Variants in TNFRSF14 observed in about 807,000 individuals in gnomAD.
TNFRSF14 encodes the protein TNF receptor superfamily member 14.
In TNFRSF14, 18 loss-of-function variants were observed where a neutral mutation model predicts 34.1. The ratio of observed to expected loss-of-function variants is 0.53; its 90% CI spans 0.36 to 0.78. The LOEUF (loss-of-function observed/expected upper bound fraction) is 0.78, where lower values mean the gene tolerates loss of function less well. TNFRSF14 is among the 30% of genes least tolerant of loss of function. The probability of loss-of-function intolerance (pLI) is 0.00; values close to 1 mark genes in which losing one functional copy is unlikely to be tolerated. For synonymous variants in TNFRSF14, 157 were observed against 153.2 expected, an observed-to-expected ratio of 1.02 and a Z score of -0.18; for missense variants, 352 against 379.5, an observed-to-expected ratio of 0.93 and a Z score of 0.60.
Position 2,560,731 on chromosome 1 carries a change from G to C in TNFRSF14, c.551+17G>C, listed in dbSNP as rs1362604935. 6.2e-7 allele frequency: 1 copy of C among 1,611,458 alleles called. No homozygotes were observed. Among genetic ancestry groups the C allele is most frequent in the Non-Finnish European group, 8.5e-7 (1 of 1,178,598 alleles). On this transcript the variant is annotated intron_variant, in intron 5 of 7. Transcript: ENST00000355716. ...CCAGACCAAGTAAGTGAACCCGGGG[G>C]AGGCCCAGCTCTGTGCCCTGGGGAG...
rs761237397 is a variant in TNFRSF14 at position 2,559,871 on chromosome 1, T to A, written c.353T>A (p.Val118Glu). 10 of 1,606,190 alleles carry A rather than the reference T, an allele frequency of 6.2e-6. No homozygotes were observed. Among genetic ancestry groups the A allele is most frequent in the Non-Finnish European group, 6.8e-6 (8 of 1,177,070 alleles). The change falls in exon 4 of 8, where the codon GTG becomes GAG. Residue 118 changes from valine to glutamate, a missense_variant. Coordinates refer to ENST00000355716, the MANE Select transcript of TNFRSF14 (RefSeq NM_003820.4). ...SRNCSRTENAVCGCSPGHFCI... is the reference protein window; with the variant it reads ...SRNCSRTENAECGCSPGHFCI... ...AACTGCTCCAGGACAGAGAACGCCG[T>A]GTGTGGCTGCAGCCCAGGCCACTTC...
chr1:2,555,976 G>C (rs921027449), upstream of TNFRSF14: 5 of 198,012 alleles, frequency 2.5e-5, no homozygotes, highest in Non-Finnish European at 4.3e-5. The surrounding 1 kb of genome is among the most constrained non-coding windows in gnomAD (Gnocchi z 6.3). Flanking sequence ...TTCCCAGTCC[G>C]CGCAGCGTCT....
chr1:2,562,609 T>TG (rs1644326358), intron 6 of TNFRSF14: 1 of 605,612 alleles, frequency 1.7e-6, no homozygotes, highest in Admixed American at 2.9e-5. Flanking sequence ...GTTATGCACT[T>TG]GGGGGCCTCA....
intron 4 of TNFRSF14, among the ~76,000 whole-genome samples, 190 bp downstream of exon 4, chr1:2,560,168 G>A (rs1287525792): frequency 6.6e-6 from 1 of 152,210 alleles, no homozygotes; most frequent in Non-Finnish European, 1.5e-5. Flanking sequence ...AGGTGATGGA[G>A]GCAGGGGAAG....
In TNFRSF14 at chr1:2,563,749, G is replaced by A. The variant is rs1027484954; in HGVS notation, c.*476G>A. On this transcript the variant is annotated 3_prime_UTR_variant, in exon 8 of 8. Transcript: ENST00000355716. Reference sequence around the variant, plus strand: ...ATTTTCTAAATTGGATTTGAATTCGGCTCCTGTTTTCTATTTGTCATGAAA... The same window carrying A: ...ATTTTCTAAATTGGATTTGAATTCGACTCCTGTTTTCTATTTGTCATGAAA... 3.8e-5 allele frequency: 9 copies of A among 237,582 alleles called. No homozygotes were observed. The highest frequency in any genetic ancestry group is 1.3e-3 in the Middle Eastern group (1 of 800). The allele number at this position is 237,582 out of a possible 1,614,324, so 14.7% of individuals were successfully genotyped here.
chr1:2,557,054 T>C, intron 1 of TNFRSF14: 1 of 345,724 alleles, frequency 2.9e-6, no homozygotes, highest in Non-Finnish European at 5.4e-6. Context: ...TCTCTGGGCG[T>C]CTCTGGGCGG....
chr1:2,557,755 C>A lies in TNFRSF14; in HGVS notation c.99C>A (p.Pro33=). The A allele has an allele frequency of 6.2e-7, 1 of 1,611,218 alleles. No homozygotes were observed. The change falls in exon 2 of 8, where the codon CCC becomes CCA. Residue 33 remains proline (P), a synonymous_variant. Coordinates refer to ENST00000355716, the MANE Select transcript of TNFRSF14 (RefSeq NM_003820.4). ...TGTATCTCACCTTCCTGGGAGCCCC[C>A]TGCTACGCCCCAGCTCTGCCGTCCT... ...LVLYLTFLGA[P]CYAPALPSCK...
At chr1:2,559,787 C>T (rs955100669) in intron 3 of TNFRSF14, 36 bp from the exon 4 acceptor site, 2 of 1,588,982 alleles carry the variant, frequency 1.3e-6, no homozygotes, top group Non-Finnish European at 1.7e-6. Context: ...TCCCGGCCTC[C>T]ACGTACCCCT....
Position 2,559,721 on chromosome 1 carries a change from G to C in TNFRSF14, c.305-102G>C, listed in dbSNP as rs1202314484. On this transcript the variant is annotated intron_variant, in intron 3 of 7. Coordinates refer to ENST00000355716, the MANE Select transcript of TNFRSF14 (RefSeq NM_003820.4). Reference sequence around the variant, plus strand: ...GCTGAGCCAGGGGTTCAGCCTGGCAGGGCGCCCTGGCAGCAGTCCTTGGCC... The same window carrying C: ...GCTGAGCCAGGGGTTCAGCCTGGCACGGCGCCCTGGCAGCAGTCCTTGGCC... 10 of 1,537,622 alleles carry C rather than the reference G, an allele frequency of 6.5e-6. No individual in the cohort carries two copies. The African/African-American group carries it at 1.4e-4, about 21-fold the overall frequency.
chr1:2,557,403 G>A (rs561972653), intron 1 of TNFRSF14, among the ~76,000 whole-genome samples: 3 of 152,316 alleles, frequency 2.0e-5, no homozygotes, highest in South Asian at 4.1e-4. Flanking sequence ...CAGGGGGGCC[G>A]GCAGGTTGTC....
chr1:2,561,663 A>G lies in TNFRSF14; in HGVS notation c.552-10A>G. The G allele has an allele frequency of 1.2e-6, 2 of 1,612,076 alleles. No homozygotes were observed. Among genetic ancestry groups the G allele is most frequent in the Non-Finnish European group, 1.7e-6 (2 of 1,179,660 alleles). On this transcript the variant is annotated splice_polypyrimidine_tract_variant and intron_variant, in intron 5 of 7. Transcript: ENST00000355716. This position sits in a 1 kb window ranked among gnomAD's most constrained non-coding sequence, Gnocchi z 6.0. Reference sequence around the variant, plus strand: ...CTGCCTCTCCCACGTCCTCGGCCCCACTCCCGCAGGTGCAGCTGGCTGGTG... The same window carrying G: ...CTGCCTCTCCCACGTCCTCGGCCCCGCTCCCGCAGGTGCAGCTGGCTGGTG...
Position 2,563,415 on chromosome 1 carries a change from A to T in TNFRSF14, c.*142A>T. On this transcript the variant is annotated 3_prime_UTR_variant, in exon 8 of 8. Coordinates refer to ENST00000355716, the MANE Select transcript of TNFRSF14 (RefSeq NM_003820.4). ...CTTCCGTCTCCTCCAGTGGAGGGAG[A>T]GGTGGGGCCCCTGCTGGGGTAGAGC... 1.4e-6 allele frequency: 2 copies of T among 1,415,738 alleles called. No individual in the cohort carries two copies. The highest frequency in any genetic ancestry group is 1.9e-6 in the Non-Finnish European group (2 of 1,057,924). The allele number at this position is 1,415,738 out of a possible 1,614,324, so 87.7% of individuals were successfully genotyped here.
chr1:2,555,586 C>G (rs1055246458), upstream of TNFRSF14: 2 of 152,948 alleles, frequency 1.3e-5, no homozygotes, highest in Admixed American at 1.3e-4. The surrounding 1 kb of genome is among the most constrained non-coding windows in gnomAD (Gnocchi z 6.3). Flanking sequence ...GGCAGATGGG[C>G]TTGCTGGAGG....
intron 1 of TNFRSF14, chr1:2,557,102 G>C: frequency 3.3e-6 from 1 of 299,226 alleles, no homozygotes; most frequent in Non-Finnish European, 6.3e-6. Flanking sequence ...CGGCAGCCCT[G>C]ACCTTGGTGA....
At chr1:2,560,918 C>T (rs905387924) in intron 5 of TNFRSF14, 19 of 579,998 alleles carry the variant, frequency 3.3e-5, no homozygotes, top group South Asian at 6.5e-5. Context: ...CCAGACAAAG[C>T]CTCATCAGAT....
In TNFRSF14 at chr1:2,558,365, C is replaced by T. The variant is rs201301290; in HGVS notation, c.201C>T (p.Cys67=). The change falls in exon 3 of 8, where the codon TGC becomes TGT. Residue 67 remains cysteine (C), a synonymous_variant. Transcript: ENST00000355716. ...CSPGYRVKEA[C]GELTGTVCEP... ...CAGGTTATCGTGTGAAGGAGGCCTG[C>T]GGGGAGCTGACGGGCACAGTGTGTG... 3.8e-5 allele frequency: 61 copies of T among 1,609,370 alleles called. 1 individual carries two copies. In the Admixed American group the frequency reaches 4.6e-4, roughly 12 times the overall value.
At position 2,561,439 on chromosome 1, in the gene TNFRSF14, G is replaced by T; in HGVS notation, c.552-234G>T. On this transcript the variant is annotated intron_variant, in intron 5 of 7. Transcript: ENST00000355716. This position sits in a 1 kb window ranked among gnomAD's most constrained non-coding sequence, Gnocchi z 6.0. ...CTCCCTCTGCCGTCCTGTCTCCTTT[G>T]CCCAGTCTCTCCTTGTTTCTCTTCT... The T allele has an allele frequency of 1.4e-6, 2 of 1,465,816 alleles. No individual in the cohort carries two copies. Among genetic ancestry groups the T allele is most frequent in the Non-Finnish European group, 1.8e-6 (2 of 1,098,920 alleles). The allele number at this position is 1,465,816 out of a possible 1,614,324, so 90.8% of individuals were successfully genotyped here. A position where few individuals can be genotyped will look rare whatever the true frequency, so the allele number is the denominator to read the frequency against.
rs753377213 is a variant in TNFRSF14, at chr1:2,561,705, G to C, written c.584G>C (p.Gly195Ala). 5.6e-6 allele frequency: 9 copies of C among 1,613,242 alleles called. No individual in the cohort carries two copies. In the African/African-American group the frequency reaches 9.3e-5, roughly 17 times the overall value. Reference protein sequence around the residue: ...CSWLVTKAGAGTSSSHWVWWF... With the variant: ...CSWLVTKAGAATSSSHWVWWF... ...TGGCTGGTGACGAAGGCCGGAGCTG[G>C]GACCAGCAGCTCCCACTGGGTATGG... The change falls in exon 6 of 8, where the codon GGG becomes GCG. Residue 195 changes from glycine (G) to alanine (A), a missense_variant. Gly to Ala is a moderately conservative substitution (Grantham distance 60). Transcript: ENST00000355716. The surrounding 1 kb of genome is among the most constrained non-coding windows in gnomAD (Gnocchi z 6.0).
chr1:2,563,179 C>T lies in TNFRSF14; in HGVS notation c.758C>T (p.Thr253Ile), dbSNP rs779526358. ...RKRQEAEGEATVIEALQAPPD... is the reference protein window; with the variant it reads ...RKRQEAEGEAIVIEALQAPPD... ...AGACAGGAGGCAGAAGGTGAGGCCACAGTCATTGAGGCCCTGCAGGCCCCT... is the reference window on the plus strand; with the variant it reads ...AGACAGGAGGCAGAAGGTGAGGCCATAGTCATTGAGGCCCTGCAGGCCCCT... The change falls in exon 8 of 8, where the codon ACA (threonine) becomes ATA (isoleucine). Residue 253 changes from threonine to isoleucine, a missense_variant. Physicochemically the swap from Thr to Ile is moderately conservative, Grantham distance 89. Coordinates refer to ENST00000355716, the MANE Select transcript of TNFRSF14 (RefSeq NM_003820.4). The T allele has an allele frequency of 7.4e-6, 12 of 1,613,416 alleles. No individual in the cohort carries two copies. The highest frequency in any genetic ancestry group is 3.4e-6 in the Non-Finnish European group (4 of 1,180,016).
Sources: allele counts gnomAD v4.1 joint callset (sites outside exome capture counted in the v4.1 genomes callset), GRCh38; gene constraint gnomAD v4.1.1; non-coding constraint Gnocchi (gnomAD v3.1); transcripts MANE v1.5; gene names NCBI Gene and HGNC (gene_info 2026-07-23, HGNC 2026-07-21).